The following ATRNL1 variants were observed in gnomAD, a reference collection of about 807,000 sequenced individuals.
ATRNL1 encodes the protein attractin like 1.
A neutral mutation model predicts 182.7 loss-of-function variants in ATRNL1; 95 were observed. The observed-to-expected ratio is 0.52, with a 90% CI of 0.44 to 0.62. ATRNL1 has a LOEUF of 0.62. ATRNL1 is among the 20% of genes least tolerant of loss of function. The probability of loss-of-function intolerance (pLI) is 0.00; values close to 1 mark genes in which losing one functional copy is unlikely to be tolerated. For synonymous variants in ATRNL1, 576 were observed against 568.3 expected (o/e 1.01, Z -0.19); for missense variants, 1,471 against 1,679.5 (o/e 0.88, Z 2.17).
At chr10:115,188,794 A>T (rs1848055697) in intron 8 of ATRNL1, among the ~76,000 whole-genome samples, 1 of 152,104 alleles carries the variant, frequency 6.6e-6, no homozygotes, top group African/African-American at 2.4e-5. Flanking sequence ...TTTTTAGCAC[A>T]CTGGTGTCTG....
At chr10:115,614,398 T>G (rs75909167) in intron 26 of ATRNL1, among the ~76,000 whole-genome samples, 2,964 of 152,278 alleles carry the variant, frequency 0.019, 64 homozygotes, top group East Asian at 0.12. Context: ...GATGTGATTT[T>G]GATTTTTGAT....
chr10:115,342,453 C>A (rs1855796477), intron 19 of ATRNL1, among the ~76,000 whole-genome samples: 1 of 152,118 alleles, frequency 6.6e-6, no homozygotes, highest in African/African-American at 2.4e-5. Context: ...CATAAACAAA[C>A]AAGCAAATGA....
chr10:115,678,058 G>A (rs1333856785), intron 26 of ATRNL1, among the ~76,000 whole-genome samples: 3 of 152,082 alleles, frequency 2.0e-5, no homozygotes, highest in Non-Finnish European at 4.4e-5. Flanking sequence ...CCAGGTCTCA[G>A]CCTGCTGTGA....
At chr10:115,824,008 C>T (rs960743920) in intron 27 of ATRNL1, among the ~76,000 whole-genome samples, 2 of 152,100 alleles carry the variant, frequency 1.3e-5, no homozygotes, top group African/African-American at 4.8e-5. Context: ...GGAGGCATCA[C>T]ACTACCTGAC....
intron 26 of ATRNL1, among the ~76,000 whole-genome samples, chr10:115,634,463 C>A (rs1052836127): frequency 6.6e-6 from 1 of 151,954 alleles, no homozygotes; most frequent in Non-Finnish European, 1.5e-5. Context: ...AATACTGGAA[C>A]AATGAGTTTA....
intron 27 of ATRNL1, among the ~76,000 whole-genome samples, chr10:115,759,841 A>ATTTTTTTTTTTTTTTTTTT (rs58578796): frequency 3.2e-5 from 2 of 62,696 alleles, no homozygotes; most frequent in African/African-American, 7.1e-5. Flanking sequence ...ACACCTGGCT[A>ATTTTTTTTTTTTTTTTTTT]TTTTTTTTTT....
chr10:115,732,057 C>T (rs1195277637), intron 27 of ATRNL1, among the ~76,000 whole-genome samples: 2 of 152,082 alleles, frequency 1.3e-5, no homozygotes, highest in African/African-American at 4.8e-5. Context: ...TTTGTTTGTA[C>T]ATTAATTAGT....
intron 18 of ATRNL1, among the ~76,000 whole-genome samples, chr10:115,330,774 A>G (rs1855175336): frequency 6.8e-6 from 1 of 147,108 alleles, no homozygotes; most frequent in Non-Finnish European, 1.5e-5. Context: ...TTTGGATTGA[A>G]TCTGTTTTGT....
intron 26 of ATRNL1, among the ~76,000 whole-genome samples, chr10:115,676,637 T>G (rs1018071805): frequency 2.0e-5 from 3 of 151,994 alleles, no homozygotes; most frequent in Non-Finnish European, 4.4e-5. Context: ...AACACAATTC[T>G]GAACTTTCTA....
At chr10:115,618,343 G>C (rs933665169) in intron 26 of ATRNL1, among the ~76,000 whole-genome samples, 2 of 152,000 alleles carry the variant, frequency 1.3e-5, no homozygotes, top group African/African-American at 4.8e-5. Context: ...CATCTTGTAT[G>C]TGGATGTCTT....
At chr10:115,536,951 C>G (rs900451540) in intron 25 of ATRNL1, among the ~76,000 whole-genome samples, 22 of 140,240 alleles carry the variant, frequency 1.6e-4, no homozygotes, top group African/African-American at 5.4e-4. Flanking sequence ...TGAAGAATTA[C>G]AAATACAAAA....
At chr10:115,786,365 G>A (rs1191116629) in intron 27 of ATRNL1, among the ~76,000 whole-genome samples, 1 of 152,106 alleles carries the variant, frequency 6.6e-6, no homozygotes, top group African/African-American at 2.4e-5. Flanking sequence ...TCACAGTTCT[G>A]GAGGCCAGAA....
intron 9 of ATRNL1, among the ~76,000 whole-genome samples, chr10:115,228,766 CTTT>C (rs35765835): frequency 4.5e-5 from 6 of 133,780 alleles, no homozygotes; most frequent in Non-Finnish European, 8.0e-5. Flanking sequence ...TTCTTTCTTT[CTTT>C]TTTTTTTTTT....
At chr10:115,570,692 G>T (rs1854334758) in intron 26 of ATRNL1, among the ~76,000 whole-genome samples, 1 of 152,170 alleles carries the variant, frequency 6.6e-6, no homozygotes, top group Non-Finnish European at 1.5e-5. Context: ...TGGTTGGAGT[G>T]ATGTGTTGGT....
At chr10:115,711,958 T>C (rs1947075417) in intron 26 of ATRNL1, among the ~76,000 whole-genome samples, 1 of 152,180 alleles carries the variant, frequency 6.6e-6, no homozygotes, top group Admixed American at 6.6e-5. Context: ...TCTTGGCAAG[T>C]TAAAACCATA....
chr10:115,774,523 A>T (rs2134174093), intron 27 of ATRNL1, among the ~76,000 whole-genome samples: 1 of 152,160 alleles, frequency 6.6e-6, no homozygotes, highest in South Asian at 2.1e-4. Context: ...AGGGAAATTA[A>T]GCCTATAAGA....
chr10:115,507,793 C>G (rs142532783), intron 24 of ATRNL1, among the ~76,000 whole-genome samples: 150 of 151,966 alleles, frequency 9.9e-4, no homozygotes, highest in Non-Finnish European at 1.8e-3. Flanking sequence ...ATGAGGATTG[C>G]CATTCACACA....
intron 26 of ATRNL1, among the ~76,000 whole-genome samples, chr10:115,587,075 G>T (rs1422859196): frequency 2.0e-5 from 3 of 149,448 alleles, no homozygotes; most frequent in Non-Finnish European, 1.5e-5. Flanking sequence ...CGGGGGTCAG[G>T]GGTCAGGGAT....
At chr10:115,922,853 T>G (rs1953107567) in intron 28 of ATRNL1, among the ~76,000 whole-genome samples, 1 of 152,170 alleles carries the variant, frequency 6.6e-6, no homozygotes. Flanking sequence ...TAAATTTATT[T>G]CTATAGAAAC....
Sources: allele counts gnomAD v4.1 joint callset (sites outside exome capture counted in the v4.1 genomes callset), GRCh38; gene constraint gnomAD v4.1.1; transcripts MANE v1.5; gene names NCBI Gene and HGNC (gene_info 2026-07-23, HGNC 2026-07-21).